The following LPA variants were observed in gnomAD, a reference collection of about 807,000 sequenced individuals.
LPA encodes apolipoprotein(a).
In LPA, 199 loss-of-function variants were observed where a neutral mutation model predicts 197.9. The ratio of observed to expected loss-of-function variants is 1.01; its 90% CI spans 0.90 to 1.13. LPA has a LOEUF of 1.13. LPA is among the 50% of genes most tolerant of loss of function. LPA has a pLI of 0.00. For synonymous variants in LPA, 715 were observed against 639.5 expected (o/e 1.12, Z -1.78); for missense variants, 1,853 against 1,785.8 (o/e 1.04, Z -0.68).
In LPA at chr6:160,578,497, T is replaced by C. The variant is rs1315029287; in HGVS notation, c.4471+26A>G. 4 of 1,613,022 alleles carry C rather than the reference T, an allele frequency of 2.5e-6. No homozygotes were observed. The Admixed American group carries it at 5.0e-5, about 20-fold the overall frequency. ...TTCCATGGTTTTTCATCCCAGTATA[T>C]AGATGTCTAACCACAAATTTCTTAC... On this transcript the variant is annotated intron_variant, in intron 27 of 38. Transcript: ENST00000316300.
intron 24 of LPA, among the ~76,000 whole-genome samples, chr6:160,588,696 G>A (rs961078616): frequency 5.3e-5 from 8 of 152,120 alleles, no homozygotes; most frequent in African/African-American, 1.9e-4. Context: ...GAACACATCA[G>A]CTGCCTGAGG....
chr6:160,551,354 A>G (rs112048147), intron 30 of LPA, among the ~76,000 whole-genome samples: 13 of 152,320 alleles, frequency 8.5e-5, no homozygotes, highest in African/African-American at 3.1e-4. Context: ...TCCCCAAGAA[A>G]TGCCTATTCA....
intron 36 of LPA, 36 bp from the exon 37 acceptor site, chr6:160,537,997 C>T: frequency 6.3e-7 from 1 of 1,584,598 alleles, no homozygotes; most frequent in Non-Finnish European, 8.7e-7. Flanking sequence ...GTTTCACTGC[C>T]CAGCTGGAAG....
intron 30 of LPA, among the ~76,000 whole-genome samples, chr6:160,549,558 C>T (rs911721865): frequency 6.6e-6 from 1 of 152,216 alleles, no homozygotes; most frequent in Non-Finnish European, 1.5e-5. Flanking sequence ...AGGCCAGCCT[C>T]CCTTACTCTC....
chr6:160,653,652 GAC>G (rs1211719434), intron 1 of LPA, among the ~76,000 whole-genome samples: 1 of 151,160 alleles, frequency 6.6e-6, no homozygotes, highest in Non-Finnish European at 1.5e-5. Flanking sequence ...GATAAAAGAG[GAC>G]AGACTAACTC....
intron 36 of LPA, among the ~76,000 whole-genome samples, chr6:160,538,662 T>C (rs1777929811): frequency 6.6e-6 from 1 of 152,142 alleles, no homozygotes. Context: ...TGACCAAAAA[T>C]CATCATTAGC....
intron 28 of LPA, among the ~76,000 whole-genome samples, chr6:160,567,964 A>G (rs1027398690): frequency 6.6e-6 from 1 of 152,236 alleles, no homozygotes; most frequent in Non-Finnish European, 1.5e-5. Context: ...GAATCCTTGA[A>G]TAGACCAATA....
At chr6:160,611,471 T>G in intron 16 of LPA, 91 bp downstream of exon 16, 1 of 1,561,288 alleles carries the variant, frequency 6.4e-7, no homozygotes, top group Non-Finnish European at 8.7e-7. Context: ...TGACACAAGT[T>G]GAGTTCGGAG....
intron 28 of LPA, among the ~76,000 whole-genome samples, chr6:160,573,770 G>C (rs1032823004): frequency 6.6e-6 from 1 of 152,182 alleles, no homozygotes; most frequent in East Asian, 1.9e-4. Context: ...GTCCTGTGAT[G>C]TGAACCATCT....
At chr6:160,607,101 G>A (rs1344380576) in intron 16 of LPA, among the ~76,000 whole-genome samples, 1 of 151,988 alleles carries the variant, frequency 6.6e-6, no homozygotes, top group Non-Finnish European at 1.5e-5. Flanking sequence ...TGTGCAAGTT[G>A]CAACTAACAG....
At chr6:160,580,730 A>C (rs1463061329) in intron 26 of LPA, among the ~76,000 whole-genome samples, 2 of 152,186 alleles carry the variant, frequency 1.3e-5, no homozygotes, top group African/African-American at 4.8e-5. Context: ...ATGACTATTC[A>C]AGCCTGTTGC....
At chr6:160,656,259 T>C (rs960115583) in intron 1 of LPA, among the ~76,000 whole-genome samples, 3 of 152,166 alleles carry the variant, frequency 2.0e-5, no homozygotes, top group Non-Finnish European at 2.9e-5. Flanking sequence ...GGATGGGATA[T>C]TGTTTTTGAT....
Position 160,664,196 on chromosome 6 carries a change from C to G in LPA, c.19G>C (p.Val7Leu), listed in dbSNP as rs1353619698. MEHKEVVLLLLLFLKSA... is the reference protein window; with the variant it reads MEHKEVLLLLLLFLKSA... The stretch of plus-strand genomic sequence containing the variant: ...TTCAGAAATAAAAGAAGTAGAAGAA[C>G]CACTTCCTTATGTTCCATTTTGGGA... Residue 7 changes from valine (V) to leucine (L), a missense_variant, in exon 1 of 39, where the codon GTT becomes CTT. By Grantham distance (32) the Val-to-Leu change is conservative. This residue lies in a region of LPA where 88 missense variants were observed against 83.0 expected (regional missense o/e 1.06). Coordinates refer to ENST00000316300, the MANE Select transcript of LPA (RefSeq NM_005577.4). The G allele has an allele frequency of 6.2e-7, 1 of 1,606,600 alleles. No homozygotes were observed. Among genetic ancestry groups the G allele is most frequent in the South Asian group, 1.1e-5 (1 of 89,986 alleles).
chr6:160,584,237 T>TTCTTCTTCTTCTTCTTCTTCCTCC (rs1554235539), intron 26 of LPA, among the ~76,000 whole-genome samples: 4 of 69,460 alleles, frequency 5.8e-5, no homozygotes, highest in Non-Finnish European at 8.6e-5. Context: ...CTTCTTCTTC[T>TTCTTCTTCTTCTTCTTCTTCCTCC]TCCTCCTCCT....
chr6:160,556,231 C>T (rs760264276), intron 29 of LPA, 47 bp from the exon 30 acceptor site: 6 of 1,582,310 alleles, frequency 3.8e-6, no homozygotes, highest in East Asian at 2.2e-5. Context: ...TATGCAGAAA[C>T]ATGTGAAGCA....
intron 2 of LPA, among the ~76,000 whole-genome samples, chr6:160,649,298 C>A (rs1028707091): frequency 6.6e-6 from 1 of 152,142 alleles, no homozygotes; most frequent in Admixed American, 6.5e-5. Context: ...GCTCACTGTT[C>A]CATTGTAGTT....
At chr6:160,657,461 C>T (rs539060766) in intron 1 of LPA, among the ~76,000 whole-genome samples, 26 of 142,068 alleles carry the variant, frequency 1.8e-4, no homozygotes, top group African/African-American at 3.4e-4. Flanking sequence ...TGCAGTGGGG[C>T]GATCTTGGCT....
chr6:160,604,550 A>G (rs1197160279), intron 18 of LPA, among the ~76,000 whole-genome samples: 3 of 152,052 alleles, frequency 2.0e-5, no homozygotes, highest in African/African-American at 7.2e-5. Context: ...CCTTCAGACC[A>G]CTGGTGGTCA....
Position 160,542,770 on chromosome 6 carries a change from G to A in LPA, c.5437C>T (p.Pro1813Ser), listed in dbSNP as rs781200820. The A allele has an allele frequency of 2.5e-6, 4 of 1,614,098 alleles. No homozygotes were observed. The highest frequency in any genetic ancestry group is 3.4e-6 in the Non-Finnish European group (4 of 1,179,998). Residue 1813 changes from proline (P) to serine (S), a missense_variant, in exon 34 of 39, where the codon CCG (proline) becomes TCG (serine). Transcript: ENST00000316300. ...SFDCGKPQVEPKKCPGSIVGG... is the reference protein window; with the variant it reads ...SFDCGKPQVESKKCPGSIVGG... ...ACAATGCTTCCAGGACATTTCTTCG[G>A]CTCCACTTGAGGCTTCCCACAATCA...
Sources: gnomAD v4.1 joint callset for allele counts (sites outside exome capture counted in the v4.1 genomes callset) on GRCh38, gnomAD v4.1.1 for gene constraint, gnomAD v4.1.1 regional missense constraint, MANE v1.5 for transcripts, NCBI Gene and HGNC (gene_info 2026-07-23, HGNC 2026-07-21) for gene names.